Variants in COL19A1 observed in about 807,000 individuals in gnomAD.
COL19A1 encodes collagen type XIX alpha 1 chain.
In COL19A1, 159 loss-of-function variants were observed where a neutral mutation model predicts 190.2. The observed-to-expected ratio is 0.84, with a 90% CI of 0.73 to 0.95. COL19A1 has a LOEUF of 0.95. Among genes scored for constraint, COL19A1 ranks in the 40% least tolerant of loss-of-function variants. The pLI is 0.00. For synonymous variants in COL19A1, 509 were observed against 458.9 expected, an observed-to-expected ratio of 1.11 and a Z score of -1.39; for missense variants, 1,418 against 1,431.9, an observed-to-expected ratio of 0.99 and a Z score of 0.16.
At chr6:69,899,971 C>T (rs1770059724) in intron 3 of COL19A1, among the ~76,000 whole-genome samples, 1 of 152,016 alleles carries the variant, frequency 6.6e-6, no homozygotes, top group African/African-American at 2.4e-5. Flanking sequence ...AAGATAATTC[C>T]TAGGTCAAAG....
intron 27 of COL19A1, among the ~76,000 whole-genome samples, chr6:70,148,577 A>G (rs1358996355): frequency 2.0e-5 from 3 of 152,200 alleles, no homozygotes; most frequent in Non-Finnish European, 4.4e-5. Flanking sequence ...TTGCCAGGGC[A>G]AGAATGTAAA....
At position 69,905,180 on chromosome 6, in the gene COL19A1, G is replaced by A. The variant is rs894462846; in HGVS notation, c.266+4842G>A. ...TGCCAATTGTCAGGTCCATGACTAC[G>A]CCAGATGTTATGCTGGGGTCAGGTT... On this transcript the variant is annotated intron_variant, in intron 4 of 50. Transcript: ENST00000620364. Among the ~76,000 whole-genome samples the A allele has an allele frequency of 1.6e-4, 24 of 152,252 alleles. 1 individual carries two copies. Among genetic ancestry groups the A allele is most frequent in the African/African-American group, 2.2e-4 (9 of 41,544 alleles).
At chr6:70,181,603 G>C (rs1766180910) in intron 44 of COL19A1, among the ~76,000 whole-genome samples, 1 of 151,492 alleles carries the variant, frequency 6.6e-6, no homozygotes, top group South Asian at 2.1e-4. Flanking sequence ...CACTGTTCTA[G>C]GTGGTAACAA....
Position 69,927,197 on chromosome 6 carries a change from A to G in COL19A1, c.267-712A>G, listed in dbSNP as rs544527188. ...AAAGCACTGGAATAGTTAATTACATAGATAAATATAAAAGCCAGAATAAAT... is the reference window on the plus strand; with the variant it reads ...AAAGCACTGGAATAGTTAATTACATGGATAAATATAAAAGCCAGAATAAAT... On this transcript the variant is annotated intron_variant, in intron 4 of 50. Transcript: ENST00000620364. Among the ~76,000 whole-genome samples, 7 of 152,312 alleles carry G rather than the reference A, an allele frequency of 4.6e-5. No individual in the cohort carries two copies. The East Asian group carries it at 9.6e-4, about 21-fold the overall frequency.
chr6:69,968,232 T>C (rs549514628), intron 11 of COL19A1, among the ~76,000 whole-genome samples: 4 of 152,308 alleles, frequency 2.6e-5, no homozygotes, highest in African/African-American at 9.6e-5. Context: ...CACTTATCTA[T>C]TTCATAGGTT....
chr6:70,205,642 T>G (rs987173684), intron 49 of COL19A1, among the ~76,000 whole-genome samples: 2 of 152,216 alleles, frequency 1.3e-5, no homozygotes, highest in African/African-American at 4.8e-5. Context: ...ACTGTGAAAC[T>G]CTTACAGCAT....
chr6:70,146,202 G>A (rs928771649), intron 25 of COL19A1, among the ~76,000 whole-genome samples: 4 of 151,934 alleles, frequency 2.6e-5, no homozygotes, highest in Admixed American at 6.6e-5. Flanking sequence ...ACGTTCCTAG[G>A]GCAGTATTGT....
chr6:69,917,417 C>A lies in COL19A1; in HGVS notation c.267-10492C>A, dbSNP rs548479097. ...ACTTACTAGGACTGGTTATAGGCATCATTGTGGATTTTCATGAATGGAACA... is the reference window on the plus strand; with the variant it reads ...ACTTACTAGGACTGGTTATAGGCATAATTGTGGATTTTCATGAATGGAACA... On this transcript the variant is annotated intron_variant, in intron 4 of 50. Coordinates refer to ENST00000620364, the MANE Select transcript of COL19A1 (RefSeq NM_001858.6). Among the ~76,000 whole-genome samples the A allele has an allele frequency of 1.2e-4, 18 of 152,298 alleles. No homozygotes were observed. The East Asian group carries it at 3.3e-3, about 28-fold the overall frequency.
intron 31 of COL19A1, among the ~76,000 whole-genome samples, chr6:70,152,238 A>G (rs1055530761): frequency 3.3e-5 from 5 of 152,144 alleles, no homozygotes; most frequent in Admixed American, 1.3e-4. Context: ...GTGTACACAC[A>G]CACACGCACA....
At chr6:70,193,180 C>A (rs1280530005) in intron 48 of COL19A1, among the ~76,000 whole-genome samples, 1 of 152,152 alleles carries the variant, frequency 6.6e-6, no homozygotes, top group East Asian at 1.9e-4. Context: ...AAGGTGTGGC[C>A]CCTGGCAGCC....
Position 69,932,865 on chromosome 6 carries a change from T to C in COL19A1, c.747+2T>C, listed in dbSNP as rs1772870656. ...TGTTGTGAAATATCAGATACTAAGG[T>C]AAGTTAATTTTCTTTGCATATGAAG... On this transcript the variant is annotated splice_donor_variant, in intron 7 of 50. Transcript: ENST00000620364. LOFTEE classifies it high-confidence loss of function. 3.2e-6 allele frequency: 5 copies of C among 1,585,516 alleles called. No individual in the cohort carries two copies. Among genetic ancestry groups the C allele is most frequent in the Non-Finnish European group, 4.3e-6 (5 of 1,158,014 alleles).
intron 4 of COL19A1, among the ~76,000 whole-genome samples, chr6:69,924,553 CA>C (rs1329608166): frequency 6.6e-6 from 1 of 152,110 alleles, no homozygotes; most frequent in African/African-American, 2.4e-5. Context: ...AATAGTGCCG[CA>C]ATAAACATAT....
At chr6:69,990,434 G>A (rs540959028) in intron 11 of COL19A1, among the ~76,000 whole-genome samples, 17 of 151,834 alleles carry the variant, frequency 1.1e-4, no homozygotes, top group African/African-American at 1.9e-4. Context: ...CATAATTTTC[G>A]TTAACAATTT....
chr6:69,887,900 G>T (rs991893937), intron 2 of COL19A1, among the ~76,000 whole-genome samples: 1 of 152,178 alleles, frequency 6.6e-6, no homozygotes, highest in South Asian at 2.1e-4. Flanking sequence ...AAAAGGGTGT[G>T]AAGTTCCCAA....
At chr6:69,969,606 A>G (rs1775308226) in intron 11 of COL19A1, among the ~76,000 whole-genome samples, 1 of 152,232 alleles carries the variant, frequency 6.6e-6, no homozygotes, top group East Asian at 1.9e-4. Context: ...TAATCTAACA[A>G]CTATTTACAT....
At chr6:70,100,211 C>T (rs141443399) in intron 15 of COL19A1, among the ~76,000 whole-genome samples, 1 of 152,212 alleles carries the variant, frequency 6.6e-6, no homozygotes, top group East Asian at 1.9e-4. Context: ...ACCTAGATAC[C>T]ATTGATTTAG....
chr6:70,047,598 C>A (rs10945194), intron 14 of COL19A1, among the ~76,000 whole-genome samples: 48,275 of 151,894 alleles, frequency 0.32, 9,714 homozygotes, highest in Non-Finnish European at 0.44. Flanking sequence ...GTACGATAAG[C>A]ACAAATTCTT....
intron 19 of COL19A1, among the ~76,000 whole-genome samples, chr6:70,139,044 A>C (rs1691989114): frequency 6.6e-6 from 1 of 152,048 alleles, no homozygotes. Context: ...TTTCCACATG[A>C]TGCATGGAGG....
chr6:69,877,875 A>C (rs2502551), intron 1 of COL19A1, among the ~76,000 whole-genome samples: 69,964 of 151,618 alleles, frequency 0.46, 16,520 homozygotes, highest in Middle Eastern at 0.56. Flanking sequence ...CATAGTGGCA[A>C]GTGCCTGTAA....
Sources: allele counts gnomAD v4.1 joint callset (sites outside exome capture counted in the v4.1 genomes callset), GRCh38; gene constraint gnomAD v4.1.1; transcripts MANE v1.5; gene names NCBI Gene and HGNC (gene_info 2026-07-23, HGNC 2026-07-21).